Variants in AGBL4 observed in about 807,000 individuals in gnomAD.
AGBL4 encodes AGBL carboxypeptidase 4.
Under a neutral mutation model 66.4 loss-of-function variants are expected in AGBL4, and 58 were observed. The ratio of observed to expected loss-of-function variants is 0.87; its 90% CI spans 0.71 to 1.09. The LOEUF is 1.09. AGBL4 is among the 50% of genes least tolerant of loss of function. AGBL4 has a pLI of 0.00. For synonymous variants in AGBL4, 234 were observed against 222.9 expected, an observed-to-expected ratio of 1.05 and a Z score of -0.44; for missense variants, 579 against 631.0, an observed-to-expected ratio of 0.92 and a Z score of 0.88.
At chr1:48,609,590 T>C (rs891811457) in intron 9 of AGBL4, among the ~76,000 whole-genome samples, 1 of 151,868 alleles carries the variant, frequency 6.6e-6, no homozygotes, top group African/African-American at 2.4e-5. Context: ...ACCCAGATAA[T>C]TTTTGTATTT....
chr1:49,649,648 T>C (rs1233877123), intron 3 of AGBL4, among the ~76,000 whole-genome samples: 1 of 152,138 alleles, frequency 6.6e-6, no homozygotes, highest in Admixed American at 6.6e-5. Flanking sequence ...ATCAATATAA[T>C]GGACATCTAT....
intron 2 of AGBL4, among the ~76,000 whole-genome samples, chr1:49,712,721 A>T (rs1039821032): frequency 3.9e-5 from 6 of 151,920 alleles, no homozygotes; most frequent in African/African-American, 1.4e-4. Context: ...AATGTGTACA[A>T]TTTTTTTAAA....
At chr1:49,324,982 A>G (rs1645200319) in intron 3 of AGBL4, among the ~76,000 whole-genome samples, 1 of 152,180 alleles carries the variant, frequency 6.6e-6, no homozygotes, top group Non-Finnish European at 1.5e-5. Flanking sequence ...ATCTCAAGGA[A>G]TTTATCCATA....
chr1:48,610,987 A>G (rs1336166137), intron 9 of AGBL4, among the ~76,000 whole-genome samples: 2 of 152,200 alleles, frequency 1.3e-5, no homozygotes, highest in African/African-American at 2.4e-5. Context: ...CTGAGCCAGT[A>G]ATATTTATTC....
At chr1:49,617,477 T>G (rs758974582) in intron 3 of AGBL4, among the ~76,000 whole-genome samples, 2 of 152,372 alleles carry the variant, frequency 1.3e-5, no homozygotes, top group African/African-American at 2.4e-5. Context: ...TACTGTCTTC[T>G]TTCCCCACTA....
At chr1:49,038,469 G>A (rs1446428464) in intron 5 of AGBL4, among the ~76,000 whole-genome samples, 1 of 151,376 alleles carries the variant, frequency 6.6e-6, no homozygotes, top group East Asian at 1.9e-4. Context: ...GCTTAAAATA[G>A]GAAAGAAAAA....
At chr1:49,233,617 G>A (rs1021259814) in intron 4 of AGBL4, among the ~76,000 whole-genome samples, 15 of 152,174 alleles carry the variant, frequency 9.9e-5, no homozygotes, top group Admixed American at 9.8e-4. Flanking sequence ...TAACATATGT[G>A]CACAAATAAC....
chr1:49,573,382 T>A (rs1302642571), intron 3 of AGBL4, among the ~76,000 whole-genome samples: 1 of 152,132 alleles, frequency 6.6e-6, no homozygotes, highest in Non-Finnish European at 1.5e-5. Flanking sequence ...ACACTGATAG[T>A]CCTTGACATG....
chr1:49,248,761 T>C (rs1460327791), intron 3 of AGBL4, among the ~76,000 whole-genome samples: 1 of 152,194 alleles, frequency 6.6e-6, no homozygotes, highest in African/African-American at 2.4e-5. Context: ...TAAACAGGTG[T>C]TCAATATTTA....
intron 6 of AGBL4, among the ~76,000 whole-genome samples, chr1:48,682,445 G>A (rs147630062): frequency 0.039 from 5,731 of 146,642 alleles, 365 homozygotes; most frequent in African/African-American, 0.14. Flanking sequence ...GTCTCACTCT[G>A]TCACCCAGGC....
intron 5 of AGBL4, among the ~76,000 whole-genome samples, chr1:48,926,146 T>C (rs1654540102): frequency 6.6e-6 from 1 of 152,190 alleles, no homozygotes; most frequent in Admixed American, 6.6e-5. Flanking sequence ...ACAAACATTA[T>C]ATGCAGAAGA....
chr1:48,575,918 C>T (rs1644646448), intron 11 of AGBL4, among the ~76,000 whole-genome samples: 1 of 152,202 alleles, frequency 6.6e-6, no homozygotes, highest in Non-Finnish European at 1.5e-5. Flanking sequence ...CATAGGTGCT[C>T]AGTGAGTGTA....
At chr1:48,857,322 G>A (rs953323177) in intron 6 of AGBL4, among the ~76,000 whole-genome samples, 1 of 152,206 alleles carries the variant, frequency 6.6e-6, no homozygotes, top group Non-Finnish European at 1.5e-5. Flanking sequence ...CTGGCCACAT[G>A]CAAAAGAGTA....
intron 6 of AGBL4, among the ~76,000 whole-genome samples, chr1:48,762,401 G>T (rs1371223555): frequency 6.6e-6 from 1 of 152,150 alleles, no homozygotes; most frequent in Non-Finnish European, 1.5e-5. Flanking sequence ...AAACAAGAGG[G>T]CTCCAGAGGC....
chr1:48,602,842 T>C (rs1169258759), intron 9 of AGBL4, among the ~76,000 whole-genome samples: 1 of 152,304 alleles, frequency 6.6e-6, no homozygotes, highest in Non-Finnish European at 1.5e-5. Flanking sequence ...TCTTCATTCC[T>C]TTTCTTCTTC....
chr1:48,862,866 A>G (rs910492805), intron 6 of AGBL4, among the ~76,000 whole-genome samples: 6 of 152,222 alleles, frequency 3.9e-5, no homozygotes, highest in African/African-American at 1.4e-4. Flanking sequence ...ACTCAAATTT[A>G]TACCCAGCCA....
At chr1:49,147,374 G>A (rs1230196981) in intron 4 of AGBL4, among the ~76,000 whole-genome samples, 1 of 152,166 alleles carries the variant, frequency 6.6e-6, no homozygotes, top group Non-Finnish European at 1.5e-5. Flanking sequence ...ATTCTAAGAT[G>A]TGTGTGCCCA....
At chr1:49,246,456 T>C (rs1422573771) in intron 3 of AGBL4, among the ~76,000 whole-genome samples, 3 of 151,916 alleles carry the variant, frequency 2.0e-5, no homozygotes, top group African/African-American at 7.2e-5. Context: ...AGGATATACA[T>C]CCTCTTTCGT....
intron 6 of AGBL4, among the ~76,000 whole-genome samples, chr1:48,771,369 T>C (rs972153972): frequency 5.3e-5 from 8 of 152,220 alleles, no homozygotes; most frequent in Admixed American, 6.5e-5. Flanking sequence ...GGTGTGCTCT[T>C]GAACAGCAAA....
Sources: allele counts gnomAD v4.1 joint callset (sites outside exome capture counted in the v4.1 genomes callset), GRCh38; gene constraint gnomAD v4.1.1; transcripts MANE v1.5; gene names NCBI Gene and HGNC (gene_info 2026-07-23, HGNC 2026-07-21).